PTPRH: variants seen among roughly 807,000 people sequenced by gnomAD.
The protein encoded by PTPRH is receptor-type tyrosine-protein phosphatase H.
Under a neutral mutation model 130.2 loss-of-function variants are expected in PTPRH, and 113 were observed. That is an observed-to-expected ratio of 0.87 (90% confidence interval 0.75 to 1.01). The LOEUF is 1.01. Among genes scored for constraint, PTPRH ranks in the 50% least tolerant of loss-of-function variants. The pLI is 0.00. For synonymous variants in PTPRH, 556 were observed against 577.9 expected (o/e 0.96, Z 0.54); for missense variants, 1,430 against 1,425.0 (o/e 1.00, Z -0.06).
chr19:55,191,147 G>T (rs1409209446), intron 12 of PTPRH, among the ~76,000 whole-genome samples: 1 of 152,146 alleles, frequency 6.6e-6, no homozygotes, highest in Non-Finnish European at 1.5e-5. Flanking sequence ...CAGCAATCTT[G>T]TTTATTGATA....
chr19:55,204,422 C>A (rs1377248397), intron 4 of PTPRH, among the ~76,000 whole-genome samples: 1 of 152,168 alleles, frequency 6.6e-6, no homozygotes. Flanking sequence ...CATTTTTGAT[C>A]ATCAGAGTTC....
In PTPRH at chr19:55,202,134, C is replaced by T. The variant is rs147691392; in HGVS notation, c.1075G>A (p.Gly359Arg). 4.7e-4 allele frequency: 762 copies of T among 1,614,214 alleles called. No individual in the cohort carries two copies. Among genetic ancestry groups the T allele is most frequent in the Middle Eastern group, 1.2e-3 (7 of 6,062 alleles). The change falls in exon 6 of 20, where the codon GGG becomes AGG. Residue 359 changes from glycine to arginine, a missense_variant. Transcript: ENST00000376350. Reference protein sequence around the residue: ...TNITVDRLEPGCLYVFSVWVG... With the variant: ...TNITVDRLEPRCLYVFSVWVG... ...CACACGGAAAACACATACAAACACC[C>T]GGGTTCAAGTCTATCCACGGTGATG...
At position 55,207,277 on chromosome 19, in the gene PTPRH, C is replaced by T. The variant is rs894948113; in HGVS notation, c.52-78G>A. ...AGTGAGGCCGAGGGGCTGGGAGGAG[C>T]GGCTGGTCCCCGCCCCATGAGTCAC... On this transcript the variant is annotated intron_variant, in intron 1 of 19. Coordinates refer to ENST00000376350, the MANE Select transcript of PTPRH (RefSeq NM_002842.5). 18 of 1,501,630 alleles carry T rather than the reference C, an allele frequency of 1.2e-5. No homozygotes were observed. The South Asian group carries it at 1.5e-4, about 12-fold the overall frequency. The allele number at this position is 1,501,630 out of a possible 1,614,324, so 93.0% of individuals were successfully genotyped here.
chr19:55,207,590 C>T (rs1307238075), intron 1 of PTPRH, among the ~76,000 whole-genome samples: 2 of 151,286 alleles, frequency 1.3e-5, no homozygotes, highest in African/African-American at 2.4e-5. Flanking sequence ...GGCCTGGGGG[C>T]CTGGGTCTGA....
intron 7 of PTPRH, 103 bp downstream of exon 7, chr19:55,200,133 G>A: frequency 7.5e-7 from 1 of 1,329,620 alleles, no homozygotes; most frequent in Non-Finnish European, 1.0e-6. Flanking sequence ...GATGTCTGCA[G>A]AGCCTACGGA....
chr19:55,197,987 A>G (rs2086739102), intron 8 of PTPRH, among the ~76,000 whole-genome samples: 1 of 152,130 alleles, frequency 6.6e-6, no homozygotes. Flanking sequence ...CCGAGGCGGG[A>G]GGATCACTTG....
chr19:55,199,751 AAGAAAG>A lies in PTPRH; in HGVS notation c.1420+479_1420+484del, dbSNP rs538805058. Among the ~76,000 whole-genome samples, 41 of 150,062 alleles carry A rather than the reference AAGAAAG, an allele frequency of 2.7e-4. No homozygotes were observed. In the East Asian group the frequency reaches 7.8e-3, roughly 29 times the overall value. ...GGAAGGAGGGAAGGAAAGAGAAGGA[AAGAAAG>A]AGAAAGAGAAAGAAAGAAAGAGAGA... is the stretch of plus-strand genomic sequence containing the variant. On this transcript the variant is annotated intron_variant, in intron 7 of 19. Coordinates refer to ENST00000376350, the MANE Select transcript of PTPRH (RefSeq NM_002842.5).
chr19:55,203,359 G>T (rs1214660096), intron 5 of PTPRH, among the ~76,000 whole-genome samples: 1 of 150,896 alleles, frequency 6.6e-6, no homozygotes, highest in African/African-American at 2.4e-5. Context: ...TATCTGATGG[G>T]CTACATAAAA....
At chr19:55,187,343 T>C (rs1347835334) in intron 14 of PTPRH, among the ~76,000 whole-genome samples, 170 bp downstream of exon 14, 1 of 28,122 alleles carries the variant, frequency 3.6e-5, no homozygotes, top group African/African-American at 3.5e-4. Flanking sequence ...AGACTCCGTC[T>C]CAAAAAAAAA....
Position 55,191,535 on chromosome 19 carries a change from G to T in PTPRH, c.2350C>A (p.Gln784Lys), listed in dbSNP as rs2086535036. 29 of 1,614,192 alleles carry T rather than the reference G, an allele frequency of 1.8e-5. No homozygotes were observed. The highest frequency in any genetic ancestry group is 2.3e-5 in the Non-Finnish European group (27 of 1,180,038). Residue 784 changes from glutamine to lysine, a missense_variant, in exon 12 of 20, where the codon CAG (glutamine) becomes AAG (lysine). Coordinates refer to ENST00000376350, the MANE Select transcript of PTPRH (RefSeq NM_002842.5). Reference sequence around the variant, plus strand: ...AGATCCCTGAGTTCTGGTTTCTGCTGCTTCTTCTTATTCCTGGGAAAAGGA... The same window carrying T: ...AGATCCCTGAGTTCTGGTTTCTGCTTCTTCTTCTTATTCCTGGGAAAAGGA... ...FFLKRRNKKK[Q>K]QKPELRDLVF... is the part of the protein sequence containing the mutation.
chr19:55,182,250 C>T, intron 18 of PTPRH, 99 bp from the exon 19 acceptor site: 1 of 1,368,696 alleles, frequency 7.3e-7, no homozygotes, highest in Non-Finnish European at 1.0e-6. Context: ...ATGACAATAA[C>T]TATGCCTGCT....
At chr19:55,194,300 T>C in intron 10 of PTPRH, 4 of 1,287,998 alleles carry the variant, frequency 3.1e-6, no homozygotes, top group Non-Finnish European at 4.0e-6. Flanking sequence ...TCAGCAATCC[T>C]GGGAAGAGTG....
At chr19:55,203,294 T>C (rs1268344569) in intron 5 of PTPRH, among the ~76,000 whole-genome samples, 1 of 130,596 alleles carries the variant, frequency 7.7e-6, no homozygotes, top group Admixed American at 8.7e-5. Context: ...GCCACTGCAC[T>C]CCAGCCTGGG....
Position 55,198,709 on chromosome 19 carries a change from G to A in PTPRH, c.1624C>T (p.His542Tyr). Residue 542 changes from histidine to tyrosine, a missense_variant, in exon 8 of 20, where the codon CAC becomes TAC. By Grantham distance (83) the His-to-Tyr change is moderately conservative. Transcript: ENST00000376350. The part of the protein sequence containing the change: ...LKELEAGSLY[H>Y]LTVWAERNEV... Reference sequence around the variant, plus strand: ...TTCCTCTCGGCCCAGACGGTGAGGTGGTACAGGCTGCCAGCTTCCAGTTCC... The same window carrying A: ...TTCCTCTCGGCCCAGACGGTGAGGTAGTACAGGCTGCCAGCTTCCAGTTCC... The A allele has an allele frequency of 6.2e-7, 1 of 1,614,108 alleles. No homozygotes were observed. Among genetic ancestry groups the A allele is most frequent in the Non-Finnish European group, 8.5e-7 (1 of 1,179,986 alleles).
At chr19:55,195,772 T>C (rs1323236261) in intron 10 of PTPRH, among the ~76,000 whole-genome samples, 1 of 152,128 alleles carries the variant, frequency 6.6e-6, no homozygotes, top group Non-Finnish European at 1.5e-5. Flanking sequence ...GGTCTCACTC[T>C]GTTGCCCAGA....
intron 14 of PTPRH, among the ~76,000 whole-genome samples, chr19:55,187,170 C>A (rs1257179433): frequency 6.6e-6 from 1 of 150,492 alleles, no homozygotes; most frequent in East Asian, 2.0e-4. Flanking sequence ...ACGGTGAAAC[C>A]CTGTCTCTAC....
intron 18 of PTPRH, among the ~76,000 whole-genome samples, chr19:55,184,102 T>C (rs750267220): frequency 5.3e-5 from 8 of 151,824 alleles, no homozygotes; most frequent in Non-Finnish European, 7.4e-5. Flanking sequence ...CTGACCAACA[T>C]GGAGAAACCC....
chr19:55,197,032 A>G (rs2086704511), intron 9 of PTPRH, 85 bp downstream of exon 9: 13 of 1,507,412 alleles, frequency 8.6e-6, no homozygotes, highest in Admixed American at 1.8e-5. Context: ...GGCCTGATGG[A>G]ATTTGTATTC....
chr19:55,191,774 C>G (rs763465448), intron 10 of PTPRH, 33 bp from the exon 11 acceptor site: 2 of 1,574,184 alleles, frequency 1.3e-6, no homozygotes, highest in Non-Finnish European at 1.7e-6. Flanking sequence ...ACCCTCAGAG[C>G]GCAGGTCTGA....
Sources: allele counts gnomAD v4.1 joint callset (sites outside exome capture counted in the v4.1 genomes callset), GRCh38; gene constraint gnomAD v4.1.1; transcripts MANE v1.5; gene names NCBI Gene and HGNC (gene_info 2026-07-23, HGNC 2026-07-21).